The following ADAMTS9 variants were observed in gnomAD, a reference collection of about 807,000 sequenced individuals.
ADAMTS9 encodes the protein A disintegrin and metalloproteinase with thrombospondin motifs 9.
ADAMTS9 carries 107 observed loss-of-function variants against 257.1 expected under a neutral mutation model. That is an observed-to-expected ratio of 0.42 (90% CI 0.36 to 0.49). The LOEUF (loss-of-function observed/expected upper bound fraction) is 0.49, where lower values mean the gene tolerates loss of function less well. ADAMTS9 is among the 20% of genes least tolerant of loss of function. The pLI is 0.03. For synonymous variants in ADAMTS9, 982 were observed against 880.9 expected, an observed-to-expected ratio of 1.11 and a Z score of -2.03; for missense variants, 2,353 against 2,469.1, an observed-to-expected ratio of 0.95 and a Z score of 1.00.
intron 30 of ADAMTS9, among the ~76,000 whole-genome samples, chr3:64,558,605 G>C (rs533147276): frequency 6.6e-6 from 1 of 152,220 alleles, no homozygotes; most frequent in African/African-American, 2.4e-5. Context: ...TGCAGAAACT[G>C]TGCTTCTCTA....
chr3:64,658,260 T>C (rs539790821), intron 4 of ADAMTS9, among the ~76,000 whole-genome samples: 1 of 152,352 alleles, frequency 6.6e-6, no homozygotes, highest in South Asian at 2.1e-4. Flanking sequence ...GCCAGAAGGA[T>C]TCAAAATTAT....
intron 30 of ADAMTS9, among the ~76,000 whole-genome samples, chr3:64,556,182 T>C (rs1295262745): frequency 6.6e-6 from 1 of 152,150 alleles, no homozygotes; most frequent in Admixed American, 6.6e-5. Context: ...CAAGTCCCCA[T>C]ACCGCACCAA....
intron 16 of ADAMTS9, among the ~76,000 whole-genome samples, chr3:64,630,073 T>C (rs912945456): frequency 6.6e-6 from 1 of 152,146 alleles, no homozygotes; most frequent in African/African-American, 2.4e-5. Context: ...TTATTGCTTT[T>C]TAAGATTGAC....
At chr3:64,604,763 C>A (rs534030655) in intron 23 of ADAMTS9, among the ~76,000 whole-genome samples, 4 of 152,162 alleles carry the variant, frequency 2.6e-5, no homozygotes, top group Non-Finnish European at 5.9e-5. Flanking sequence ...CTTGCTTTCC[C>A]TGTTTGCCCA....
At chr3:64,593,004 G>A (rs1428631590) in intron 28 of ADAMTS9, among the ~76,000 whole-genome samples, 5 of 152,296 alleles carry the variant, frequency 3.3e-5, no homozygotes, top group Admixed American at 6.5e-5. Context: ...CTTCAAAAAT[G>A]TTCATCTGGG....
At chr3:64,518,113 G>T (rs2082803545) in intron 39 of ADAMTS9, among the ~76,000 whole-genome samples, 1 of 152,204 alleles carries the variant, frequency 6.6e-6, no homozygotes, top group Admixed American at 6.5e-5. Context: ...CAGGACCATG[G>T]TGTAGGGGGC....
At chr3:64,556,655 T>C (rs2083337160) in intron 30 of ADAMTS9, among the ~76,000 whole-genome samples, 1 of 152,164 alleles carries the variant, frequency 6.6e-6, no homozygotes, top group Non-Finnish European at 1.5e-5. Flanking sequence ...TTAGAATGCC[T>C]TTATTCTATA....
At chr3:64,663,416 T>C (rs935517162) in intron 3 of ADAMTS9, among the ~76,000 whole-genome samples, 1 of 144,152 alleles carries the variant, frequency 6.9e-6, no homozygotes, top group Non-Finnish European at 1.5e-5. Context: ...TCAGGAAATG[T>C]TGTATGGAAT....
chr3:64,682,604 G>GA lies in ADAMTS9; in HGVS notation c.517-1242dup, dbSNP rs146515972. Among the ~76,000 whole-genome samples, 1,229 of 152,042 alleles carry GA rather than the reference G, an allele frequency of 8.1e-3. 13 individuals are homozygous for GA. The highest frequency in any genetic ancestry group is 0.028 in the African/African-American group (1,152 of 41,472). On this transcript the variant is annotated intron_variant, in intron 2 of 39. Transcript: ENST00000498707. Reference sequence around the variant, plus strand: ...CTCCGCTTTCTCATTTCCCGTGCTGGAAAAAAAATCTGATGCCTTGCATCC... The same window carrying GA: ...CTCCGCTTTCTCATTTCCCGTGCTGGAAAAAAAAATCTGATGCCTTGCATCC...
intron 3 of ADAMTS9, among the ~76,000 whole-genome samples, chr3:64,665,786 A>C (rs568029127): frequency 1.2e-4 from 19 of 152,336 alleles, no homozygotes; most frequent in African/African-American, 4.3e-4. Context: ...TCTTCACCCT[A>C]CTATCCCATA....
At chr3:64,673,752 G>C (rs1701552119) in intron 3 of ADAMTS9, among the ~76,000 whole-genome samples, 1 of 151,932 alleles carries the variant, frequency 6.6e-6, no homozygotes, top group South Asian at 2.1e-4. Context: ...CTTAGGAAAA[G>C]ATCCCCACTT....
At chr3:64,654,229 G>C (rs888902951) in intron 8 of ADAMTS9, 124 bp downstream of exon 8, 3 of 979,338 alleles carry the variant, frequency 3.1e-6, no homozygotes, top group Non-Finnish European at 4.6e-6. Context: ...CTTCAACCCT[G>C]CAACTCTACT....
In ADAMTS9 at chr3:64,516,927, A is replaced by G. The variant is rs918409943; in HGVS notation, c.*200T>C. ...AAACTTTACATCATTAGGATAGTCTACATATCTACATACACACATATATGT... is the reference window on the plus strand; with the variant it reads ...AAACTTTACATCATTAGGATAGTCTGCATATCTACATACACACATATATGT... On this transcript the variant is annotated 3_prime_UTR_variant, in exon 40 of 40. Transcript: ENST00000498707. 1 of 152,584 alleles carries G rather than the reference A, an allele frequency of 6.6e-6. No homozygotes were observed. 9.5% of individuals were successfully genotyped at this position (152,584 alleles called of 1,614,324 possible). A position where few individuals can be genotyped will look rare whatever the true frequency, so the allele number is the denominator to read the frequency against.
intron 38 of ADAMTS9, among the ~76,000 whole-genome samples, chr3:64,529,687 A>C (rs1045662893): frequency 1.3e-5 from 2 of 152,326 alleles, no homozygotes; most frequent in East Asian, 3.9e-4. Context: ...TTCGAAAAGA[A>C]GTTTTTGTGC....
In ADAMTS9 at chr3:64,654,465, G is replaced by C. The variant is rs1379001811; in HGVS notation, c.1211-7C>G. 3.1e-6 allele frequency: 5 copies of C among 1,612,508 alleles called. No homozygotes were observed. Among genetic ancestry groups the C allele is most frequent in the Non-Finnish European group, 4.2e-6 (5 of 1,179,592 alleles). On this transcript the variant is annotated splice_polypyrimidine_tract_variant and splice_region_variant and intron_variant, in intron 7 of 39. Coordinates refer to ENST00000498707, the MANE Select transcript of ADAMTS9 (RefSeq NM_182920.2). Reference sequence around the variant, plus strand: ...GTTCCCAGTTCAGCCAGGCCTATTAGAAGGAAAAAAACCAACAAGGATTTA... The same window carrying C: ...GTTCCCAGTTCAGCCAGGCCTATTACAAGGAAAAAAACCAACAAGGATTTA...
chr3:64,529,801 G>A (rs2082953711), intron 38 of ADAMTS9, among the ~76,000 whole-genome samples: 1 of 152,024 alleles, frequency 6.6e-6, no homozygotes, highest in African/African-American at 2.4e-5. Flanking sequence ...CCTCTCCTCA[G>A]ACTGATCATG....
At chr3:64,539,334 G>A (rs1294131054) in intron 36 of ADAMTS9, 40 bp from the exon 37 acceptor site, 1 of 1,551,878 alleles carries the variant, frequency 6.4e-7, no homozygotes, top group Non-Finnish European at 8.9e-7. Flanking sequence ...GGGAAGGTAA[G>A]AGTGGGAGAA....
chr3:64,629,570 C>T (rs150215287), intron 16 of ADAMTS9, among the ~76,000 whole-genome samples: 1 of 152,338 alleles, frequency 6.6e-6, no homozygotes, highest in East Asian at 1.9e-4. Flanking sequence ...ACTCTACTGT[C>T]CACATCTCAC....
intron 2 of ADAMTS9, among the ~76,000 whole-genome samples, chr3:64,681,603 A>G (rs1159975438): frequency 1.3e-5 from 2 of 152,198 alleles, no homozygotes; most frequent in Non-Finnish European, 2.9e-5. Context: ...TTTTAGAGAT[A>G]GGGTCTTGCT....
Sources: allele counts gnomAD v4.1 joint callset (sites outside exome capture counted in the v4.1 genomes callset), GRCh38; gene constraint gnomAD v4.1.1; transcripts MANE v1.5; gene names NCBI Gene and HGNC (gene_info 2026-07-23, HGNC 2026-07-21).